The following CEP112 variants were observed in gnomAD, a reference collection of about 807,000 sequenced individuals.
CEP112 encodes centrosomal protein of 112 kDa.
In CEP112, 127 loss-of-function variants were observed where a neutral mutation model predicts 153.0. The ratio of observed to expected loss-of-function variants is 0.83; its 90% confidence interval spans 0.72 to 0.96. CEP112 has a LOEUF of 0.96. CEP112 is among the 40% of genes least tolerant of loss of function. The pLI is 0.00. For missense variants in CEP112, 1,089 were observed against 1,101.2 expected, an observed-to-expected ratio of 0.99 and a Z score of 0.16; for synonymous variants, 358 against 374.4, an observed-to-expected ratio of 0.96 and a Z score of 0.51.
At chr17:65,817,676 C>G (rs2056342961) in intron 21 of CEP112, among the ~76,000 whole-genome samples, 1 of 151,888 alleles carries the variant, frequency 6.6e-6, no homozygotes, top group African/African-American at 2.4e-5. Flanking sequence ...ATTCCAACAT[C>G]TGGATTTTTT....
At chr17:66,123,596 T>A (rs181458556) in intron 6 of CEP112, among the ~76,000 whole-genome samples, 1 of 152,238 alleles carries the variant, frequency 6.6e-6, no homozygotes. Context: ...CTTGTTTTGC[T>A]AGGGAGCACA....
At chr17:65,679,376 C>T (rs1294666518) in intron 24 of CEP112, among the ~76,000 whole-genome samples, 1 of 151,742 alleles carries the variant, frequency 6.6e-6, no homozygotes, top group African/African-American at 2.4e-5. Flanking sequence ...CGAAACAAAC[C>T]AGAATAATAA....
At chr17:66,130,324 T>C (rs1347375784) in intron 5 of CEP112, among the ~76,000 whole-genome samples, 1 of 152,158 alleles carries the variant, frequency 6.6e-6, no homozygotes, top group African/African-American at 2.4e-5. Context: ...TAAAGTGTAT[T>C]GTCGGGGGCA....
At position 65,640,152 on chromosome 17, in the gene CEP112, A is replaced by ATT. The variant is rs1246755697; in HGVS notation, c.2799+811_2799+812insAA. The stretch of plus-strand genomic sequence containing the variant: ...TGCACCCGACCATATATATATATAT[A>ATT]TATTTTTTTTTTTTTTTTTTTGAGA... On this transcript the variant is annotated intron_variant, in intron 25 of 26. Coordinates refer to ENST00000535342, the MANE Select transcript of CEP112 (RefSeq NM_001199165.4). 1.0e-4 allele frequency among the ~76,000 whole-genome samples: 7 copies of ATT among 68,682 alleles called. No homozygotes were observed. In the East Asian group the frequency reaches 3.2e-3, roughly 31 times the overall value. 45.1% of individuals were successfully genotyped at this position (68,682 alleles called of 152,430 possible). A position where few individuals can be genotyped will look rare whatever the true frequency, so the allele number is the denominator to read the frequency against.
chr17:66,130,637 G>C (rs1044323466), intron 5 of CEP112, among the ~76,000 whole-genome samples: 1 of 151,902 alleles, frequency 6.6e-6, no homozygotes, highest in Non-Finnish European at 1.5e-5. Context: ...TTAGCCGGGC[G>C]TGGTGGTGGG....
intron 18 of CEP112, among the ~76,000 whole-genome samples, chr17:65,944,495 A>T (rs1331669174): frequency 6.6e-6 from 1 of 152,234 alleles, no homozygotes; most frequent in African/African-American, 2.4e-5. Flanking sequence ...ATGGGTTATT[A>T]TTACAGTTAT....
At chr17:65,774,214 A>G (rs2053550600) in intron 21 of CEP112, among the ~76,000 whole-genome samples, 2 of 152,184 alleles carry the variant, frequency 1.3e-5, no homozygotes, top group African/African-American at 4.8e-5. Context: ...CCAGACTAGA[A>G]AAGAGGGATG....
rs545925336 is a variant in CEP112 at position 66,065,770 on chromosome 17, C to T, written c.955+1008G>A. On this transcript the variant is annotated intron_variant, in intron 10 of 26. Coordinates refer to ENST00000535342, the MANE Select transcript of CEP112 (RefSeq NM_001199165.4). The stretch of plus-strand genomic sequence containing the variant: ...TCAGCCTCCTGAGTAGCTGTGACTA[C>T]AGGCGCCCGCCACCACGCCCAGCTA... Among the ~76,000 whole-genome samples the T allele has an allele frequency of 3.9e-5, 6 of 152,116 alleles. No individual in the cohort carries two copies. The South Asian group carries it at 1.0e-3, about 26-fold the overall frequency.
At chr17:65,866,130 C>T (rs1048496741) in intron 20 of CEP112, among the ~76,000 whole-genome samples, 6 of 152,162 alleles carry the variant, frequency 3.9e-5, no homozygotes. Flanking sequence ...CTCTCGGGGG[C>T]CTGGGAAGGC....
chr17:66,103,904 T>A (rs1023483567), intron 6 of CEP112, among the ~76,000 whole-genome samples: 1 of 152,182 alleles, frequency 6.6e-6, no homozygotes, highest in Admixed American at 6.5e-5. Context: ...GCAGGCAGAA[T>A]TCAGCTTGCA....
At chr17:66,088,936 C>T (rs2068039245) in intron 8 of CEP112, among the ~76,000 whole-genome samples, 1 of 152,170 alleles carries the variant, frequency 6.6e-6, no homozygotes, top group Admixed American at 6.5e-5. Context: ...AGAACCAGGT[C>T]AGCCCTTGCA....
chr17:65,821,292 T>C (rs1039279385), intron 21 of CEP112, among the ~76,000 whole-genome samples: 1 of 150,942 alleles, frequency 6.6e-6, no homozygotes, highest in African/African-American at 2.4e-5. Flanking sequence ...TATTTCAGGC[T>C]TGTTTATATT....
intron 21 of CEP112, among the ~76,000 whole-genome samples, chr17:65,752,037 T>G (rs1567962217): frequency 9.2e-5 from 14 of 151,904 alleles, no homozygotes; most frequent in African/African-American, 2.9e-4. Flanking sequence ...CATCCATCCA[T>G]CCATCCATCC....
chr17:65,978,036 T>C (rs1166132172), intron 17 of CEP112, among the ~76,000 whole-genome samples: 1 of 152,148 alleles, frequency 6.6e-6, no homozygotes, highest in Non-Finnish European at 1.5e-5. Flanking sequence ...GATACTGCCA[T>C]CACACTCCAG....
intron 11 of CEP112, among the ~76,000 whole-genome samples, chr17:66,060,638 A>G (rs1222334970): frequency 1.3e-5 from 2 of 152,226 alleles, no homozygotes; most frequent in Non-Finnish European, 2.9e-5. Flanking sequence ...CAAAAATGCC[A>G]AGAACATACA....
At chr17:66,049,519 G>A (rs570067476) in intron 12 of CEP112, among the ~76,000 whole-genome samples, 4 of 152,284 alleles carry the variant, frequency 2.6e-5, no homozygotes, top group South Asian at 2.1e-4. Flanking sequence ...GGAGGCCAAG[G>A]TGGGTGGATC....
intron 21 of CEP112, among the ~76,000 whole-genome samples, chr17:65,803,614 C>T (rs1055205490): frequency 7.5e-4 from 114 of 152,284 alleles, no homozygotes; most frequent in Middle Eastern, 3.4e-3. Flanking sequence ...AATGACTGCA[C>T]TATGTAATCA....
At chr17:65,663,777 G>C (rs2046527414) in intron 24 of CEP112, among the ~76,000 whole-genome samples, 1 of 152,154 alleles carries the variant, frequency 6.6e-6, no homozygotes, top group Admixed American at 6.5e-5. Context: ...AGTTTTGGGG[G>C]GAAGCAAAAT....
intron 23 of CEP112, among the ~76,000 whole-genome samples, chr17:65,738,324 G>A (rs913458224): frequency 6.6e-6 from 1 of 152,134 alleles, no homozygotes; most frequent in African/African-American, 2.4e-5. Context: ...TGGCAGGGAA[G>A]GGTTACGGCA....
Sources: gnomAD v4.1 joint callset for allele counts (sites outside exome capture counted in the v4.1 genomes callset) on GRCh38, gnomAD v4.1.1 for gene constraint, MANE v1.5 for transcripts, NCBI Gene and HGNC (gene_info 2026-07-23, HGNC 2026-07-21) for gene names.